The following VAV3 variants were observed in gnomAD, a reference collection of about 807,000 sequenced individuals.
The protein encoded by VAV3 is vav guanine nucleotide exchange factor 3, also known as guanine nucleotide exchange factor VAV3.
A neutral mutation model predicts 131.2 loss-of-function variants in VAV3; 94 were observed. That is an observed-to-expected ratio of 0.72 (90% CI 0.61 to 0.85). VAV3 has a LOEUF of 0.85. Among genes scored for constraint, VAV3 ranks in the 40% least tolerant of loss-of-function variants. VAV3 has a pLI of 0.00. For missense variants in VAV3, 939 were observed against 1,002.7 expected (o/e 0.94, Z 0.86); for synonymous variants, 349 against 342.0 (o/e 1.02, Z -0.22).
chr1:107,754,541 C>A (rs965753020), intron 12 of VAV3, among the ~76,000 whole-genome samples: 5 of 152,190 alleles, frequency 3.3e-5, no homozygotes, highest in Admixed American at 2.0e-4. Flanking sequence ...TGCCTGCTCA[C>A]AGGGTCTTCT....
At chr1:107,959,398 C>T (rs1443637835) in intron 1 of VAV3, among the ~76,000 whole-genome samples, 1 of 152,052 alleles carries the variant, frequency 6.6e-6, no homozygotes, top group Non-Finnish European at 1.5e-5. Flanking sequence ...CTGTCTCAAC[C>T]CTCTCCTACT....
At chr1:107,581,575 A>G (rs1570553772) in intron 25 of VAV3, among the ~76,000 whole-genome samples, 1 of 152,220 alleles carries the variant, frequency 6.6e-6, no homozygotes, top group Non-Finnish European at 1.5e-5. Flanking sequence ...TGACTGGCAA[A>G]TCATTAGTGG....
chr1:107,877,766 C>T (rs577908018), intron 1 of VAV3, among the ~76,000 whole-genome samples: 25 of 152,222 alleles, frequency 1.6e-4, no homozygotes, highest in Non-Finnish European at 3.2e-4. Flanking sequence ...TAAAAATGAA[C>T]AAGACAAAGC....
At chr1:107,963,793 A>C (rs1014354444) in intron 1 of VAV3, among the ~76,000 whole-genome samples, 6 of 152,210 alleles carry the variant, frequency 3.9e-5, no homozygotes, top group African/African-American at 1.4e-4. Context: ...CTCTGAACCG[A>C]GTTTAACATC....
At chr1:107,789,464 G>A (rs567722553) in intron 2 of VAV3, among the ~76,000 whole-genome samples, 2 of 152,134 alleles carry the variant, frequency 1.3e-5, no homozygotes, top group Non-Finnish European at 2.9e-5. Flanking sequence ...ATCTGTAAAC[G>A]TTTCAAACCA....
chr1:107,602,957 G>A, intron 23 of VAV3, 90 bp downstream of exon 23: 1 of 974,872 alleles, frequency 1.0e-6, no homozygotes, highest in Non-Finnish European at 1.5e-6. Context: ...TAGAACTTTG[G>A]TTTTCACCTT....
At chr1:107,782,441 G>A (rs566938918) in intron 2 of VAV3, among the ~76,000 whole-genome samples, 1 of 152,210 alleles carries the variant, frequency 6.6e-6, no homozygotes. Context: ...AATTGAATGT[G>A]TTTTATAAGG....
At chr1:107,731,085 A>C (rs1041606653) in intron 15 of VAV3, among the ~76,000 whole-genome samples, 27 of 152,238 alleles carry the variant, frequency 1.8e-4, no homozygotes, top group African/African-American at 6.5e-4. Flanking sequence ...ATAACAGCAA[A>C]GAATTATCAC....
intron 2 of VAV3, among the ~76,000 whole-genome samples, chr1:107,820,146 A>G (rs1667736597): frequency 6.6e-6 from 1 of 152,192 alleles, no homozygotes; most frequent in South Asian, 2.1e-4. Context: ...TATCAAAGAG[A>G]TATCTGCACT....
intron 20 of VAV3, among the ~76,000 whole-genome samples, chr1:107,622,898 TGGAA>T (rs911603221): frequency 1.3e-5 from 2 of 152,050 alleles, no homozygotes; most frequent in African/African-American, 4.8e-5. Context: ...GATGGGCAGA[TGGAA>T]GGAAGGAAGG....
intron 1 of VAV3, among the ~76,000 whole-genome samples, chr1:107,944,687 C>A (rs1226649558): frequency 6.6e-6 from 1 of 152,158 alleles, no homozygotes; most frequent in Non-Finnish European, 1.5e-5. Flanking sequence ...TCACTGCAAC[C>A]TCCCTCTTCC....
chr1:107,912,782 T>C lies in VAV3; in HGVS notation c.205-37765A>G, dbSNP rs528999505. The stretch of plus-strand genomic sequence containing the variant: ...CACTACTAGGCAACTGCAAACTTGG[T>C]TGACCCTTAGGAACCACATCTCTCT... On this transcript the variant is annotated intron_variant, in intron 1 of 26. Transcript: ENST00000370056. 7.2e-5 allele frequency among the ~76,000 whole-genome samples: 11 copies of C among 152,354 alleles called. 1 individual carries two copies. In the South Asian group the frequency reaches 2.3e-3, roughly 32 times the overall value.
intron 2 of VAV3, among the ~76,000 whole-genome samples, chr1:107,812,568 A>G (rs1487636843): frequency 6.6e-6 from 1 of 152,080 alleles, no homozygotes; most frequent in Non-Finnish European, 1.5e-5. Flanking sequence ...ATGGCATTCA[A>G]TTCCGTATGG....
chr1:107,753,547 T>TACAC (rs746164101), intron 12 of VAV3, among the ~76,000 whole-genome samples: 24 of 48,434 alleles, frequency 5.0e-4, no homozygotes, highest in African/African-American at 1.5e-3. Flanking sequence ...TATATATATA[T>TACAC]ATACACACAC....
intron 22 of VAV3, 44 bp downstream of exon 22, chr1:107,609,887 G>T (rs771565492): frequency 2.5e-6 from 4 of 1,589,816 alleles, no homozygotes; most frequent in African/African-American, 2.7e-5. Flanking sequence ...GGAGCTAAGG[G>T]TATGGTATTT....
intron 1 of VAV3, among the ~76,000 whole-genome samples, chr1:107,939,774 T>C (rs1154941): frequency 0.15 from 23,253 of 151,990 alleles, 1,888 homozygotes; most frequent in South Asian, 0.22. Flanking sequence ...AGATTAAAAA[T>C]GGGGAAGGAA....
chr1:107,655,705 A>G (rs1295823706), intron 19 of VAV3, among the ~76,000 whole-genome samples: 1 of 152,152 alleles, frequency 6.6e-6, no homozygotes, highest in African/African-American at 2.4e-5. Context: ...GTGAACATTC[A>G]TCTGACAGGG....
intron 2 of VAV3, among the ~76,000 whole-genome samples, chr1:107,829,082 T>C (rs928994683): frequency 6.6e-6 from 1 of 152,200 alleles, no homozygotes; most frequent in African/African-American, 2.4e-5. Flanking sequence ...TTTCCAGCCA[T>C]GTAAATTGGT....
chr1:107,583,066 C>T (rs1158280605), intron 25 of VAV3, among the ~76,000 whole-genome samples: 1 of 152,206 alleles, frequency 6.6e-6, no homozygotes, highest in Non-Finnish European at 1.5e-5. Context: ...ACATCCTCTC[C>T]AGCACCTGGT....
Sources: allele counts gnomAD v4.1 joint callset (sites outside exome capture counted in the v4.1 genomes callset), GRCh38; gene constraint gnomAD v4.1.1; transcripts MANE v1.5; gene names NCBI Gene and HGNC (gene_info 2026-07-23, HGNC 2026-07-21).